Variants in PTPRC observed in about 807,000 individuals in gnomAD.
PTPRC encodes protein tyrosine phosphatase receptor type C.
Under a neutral mutation model 155.9 loss-of-function variants are expected in PTPRC, and 44 were observed. The ratio of observed to expected loss-of-function variants is 0.28; its 90% CI spans 0.22 to 0.36. The LOEUF (loss-of-function observed/expected upper bound fraction) is 0.36. PTPRC is among the 10% of genes least tolerant of loss of function. The pLI is 1.00. For synonymous variants in PTPRC, 525 were observed against 533.1 expected, an observed-to-expected ratio of 0.98 and a Z score of 0.21; for missense variants, 1,401 against 1,564.6, an observed-to-expected ratio of 0.90 and a Z score of 1.76.
rs1409139323 is a variant in PTPRC, at chr1:198,732,756, C to G, written c.2142+200C>G. ...GTATTAGGTATAACATAGAATTTTC[C>G]TCTACAAACAAAATTATATTAAGAA... On this transcript the variant is annotated intron_variant, in intron 20 of 32. Transcript: ENST00000442510. Among the ~76,000 whole-genome samples the G allele has an allele frequency of 2.0e-5, 3 of 151,724 alleles. No individual in the cohort carries two copies. The East Asian group carries it at 5.8e-4, about 29-fold the overall frequency.
chr1:198,751,830 C>T (rs1448896372), intron 29 of PTPRC, among the ~76,000 whole-genome samples: 1 of 152,040 alleles, frequency 6.6e-6, no homozygotes, highest in Non-Finnish European at 1.5e-5. Flanking sequence ...AAAGATGCAG[C>T]CTCCTTCCTC....
chr1:198,647,015 TG>T (rs527365296), intron 2 of PTPRC, among the ~76,000 whole-genome samples: 127 of 152,040 alleles, frequency 8.4e-4, no homozygotes, highest in African/African-American at 3.0e-3. Context: ...TGACTCTTTT[TG>T]TAACTTGCAT....
chr1:198,695,587 CA>C (rs1202917738), intron 3 of PTPRC, among the ~76,000 whole-genome samples: 1 of 151,266 alleles, frequency 6.6e-6, no homozygotes, highest in Non-Finnish European at 1.5e-5. Flanking sequence ...CTTTAATCAA[CA>C]GTGCTGATTT....
In PTPRC at chr1:198,705,384, CTTTCAGT is replaced by C. The variant is rs1382101803; in HGVS notation, c.685+891_685+897del. 2.0e-5 allele frequency among the ~76,000 whole-genome samples: 3 copies of C among 151,560 alleles called. No homozygotes were observed. In the East Asian group the frequency reaches 5.8e-4, roughly 29 times the overall value. ...TCTTCACTTAAGTAATATGGAACCA[CTTTCAGT>C]TTTCTTTTCTTTCTTTCTTTCATTC... On this transcript the variant is annotated intron_variant, in intron 8 of 32. Transcript: ENST00000442510.
Position 198,696,664 on chromosome 1 carries a change from G to T in PTPRC, c.101-48G>T. On this transcript the variant is annotated intron_variant, in intron 3 of 32. Coordinates refer to ENST00000442510, the MANE Select transcript of PTPRC (RefSeq NM_002838.5). ...TGGGAGGAGCATACATTTAGGGTATGATTCACATATTTATTTTGTCCTTCT... is the reference window on the plus strand; with the variant it reads ...TGGGAGGAGCATACATTTAGGGTATTATTCACATATTTATTTTGTCCTTCT... 1.3e-6 allele frequency: 2 copies of T among 1,481,566 alleles called. 1 individual carries two copies. 91.8% of individuals were successfully genotyped at this position (1,481,566 alleles called of 1,614,324 possible).
At chr1:198,742,919 G>A (rs1382204321) in intron 25 of PTPRC, among the ~76,000 whole-genome samples, 2 of 151,716 alleles carry the variant, frequency 1.3e-5, no homozygotes, top group African/African-American at 4.8e-5. Flanking sequence ...CCTGGCCCAT[G>A]CTATGCATTT....
intron 3 of PTPRC, among the ~76,000 whole-genome samples, chr1:198,693,713 T>A (rs780440067): frequency 6.6e-6 from 1 of 152,192 alleles, no homozygotes; most frequent in Non-Finnish European, 1.5e-5. Context: ...TCAAGAACAA[T>A]GTGGAATTGG....
rs1179895040 is a variant in PTPRC at position 198,754,258 on chromosome 1, T to C, written c.3510-11T>C. 4 of 1,604,076 alleles carry C rather than the reference T, an allele frequency of 2.5e-6. No individual in the cohort carries two copies. Among genetic ancestry groups the C allele is most frequent in the Non-Finnish European group, 3.4e-6 (4 of 1,171,794 alleles). On this transcript the variant is annotated splice_polypyrimidine_tract_variant and intron_variant, in intron 31 of 32. Coordinates refer to ENST00000442510, the MANE Select transcript of PTPRC (RefSeq NM_002838.5). ...AGTAGGATTATTTTCTATCTTTTCTTTCTTTTATAGGGATGGATCTCAGCA... is the reference window on the plus strand; with the variant it reads ...AGTAGGATTATTTTCTATCTTTTCTCTCTTTTATAGGGATGGATCTCAGCA...
chr1:198,739,655 A>G (rs1192831003), intron 23 of PTPRC, among the ~76,000 whole-genome samples: 1 of 151,870 alleles, frequency 6.6e-6, no homozygotes, highest in African/African-American at 2.4e-5. Flanking sequence ...CTCTACTTTC[A>G]GCATTAGGCA....
At chr1:198,680,236 C>T (rs968236838) in intron 2 of PTPRC, among the ~76,000 whole-genome samples, 1 of 152,158 alleles carries the variant, frequency 6.6e-6, no homozygotes, top group African/African-American at 2.4e-5. Flanking sequence ...GGCGGATTAC[C>T]TAAGGACGGA....
chr1:198,736,419 A>G (rs1364092850), intron 23 of PTPRC, among the ~76,000 whole-genome samples: 5 of 151,650 alleles, frequency 3.3e-5, no homozygotes, highest in African/African-American at 9.7e-5. Context: ...GGCTCCCACA[A>G]ATAAGTAACA....
At chr1:198,749,609 T>C (rs1050815485) in intron 28 of PTPRC, 60 bp downstream of exon 28, 7 of 1,525,994 alleles carry the variant, frequency 4.6e-6, no homozygotes, top group Middle Eastern at 3.4e-4. Flanking sequence ...ATCTATGTTA[T>C]TAGGGCCATT....
intron 2 of PTPRC, among the ~76,000 whole-genome samples, chr1:198,672,398 A>AT (rs1664694856): frequency 6.6e-6 from 1 of 152,154 alleles, no homozygotes; most frequent in Non-Finnish European, 1.5e-5. Context: ...TAAATTCCTT[A>AT]CTGTTTACTC....
intron 2 of PTPRC, among the ~76,000 whole-genome samples, chr1:198,649,077 C>T (rs1663098745): frequency 1.3e-5 from 2 of 151,608 alleles, no homozygotes; most frequent in South Asian, 4.1e-4. Flanking sequence ...CAGGTAAATC[C>T]ATCCTACACT....
Position 198,756,135 on chromosome 1 carries a change from A to C in PTPRC, c.3875A>C (p.His1292Pro). 1 of 1,613,396 alleles carries C rather than the reference A, an allele frequency of 6.2e-7. No individual in the cohort carries two copies. Among genetic ancestry groups the C allele is most frequent in the Non-Finnish European group, 8.5e-7 (1 of 1,179,630 alleles). The change falls in exon 33 of 33, where the codon CAT becomes CCT. Residue 1292 changes from histidine (H) to proline (P), a missense_variant. Around this residue, in one of 3 missense-constraint regions of PTPRC, gnomAD observed 400 missense variants for 389.5 expected, o/e 1.03. Coordinates refer to ENST00000442510, the MANE Select transcript of PTPRC (RefSeq NM_002838.5). ...ACGAGTGGCACTGAGGGGCCAGAACATTCTGTCAATGGTCCTGCAAGTCCA... is the reference window on the plus strand; with the variant it reads ...ACGAGTGGCACTGAGGGGCCAGAACCTTCTGTCAATGGTCCTGCAAGTCCA... ...EPTSGTEGPE[H>P]SVNGPASPAL...
chr1:198,683,354 T>C (rs1665445397), intron 2 of PTPRC, among the ~76,000 whole-genome samples: 1 of 152,072 alleles, frequency 6.6e-6, no homozygotes, highest in Non-Finnish European at 1.5e-5. Flanking sequence ...TCGTAACCTA[T>C]CCTAGAGGAA....
intron 15 of PTPRC, among the ~76,000 whole-genome samples, chr1:198,723,277 T>C (rs1353308835): frequency 6.6e-6 from 1 of 152,122 alleles, no homozygotes; most frequent in African/African-American, 2.4e-5. Flanking sequence ...TGTATGTACT[T>C]TGTTGTCAGC....
intron 11 of PTPRC, 26 bp from the exon 12 acceptor site, chr1:198,712,926 TA>T (rs1360619812): frequency 4.4e-6 from 7 of 1,598,162 alleles, no homozygotes; most frequent in Non-Finnish European, 6.0e-6. Context: ...TTTTTCATAT[TA>T]CATAACATTC....
intron 17 of PTPRC, among the ~76,000 whole-genome samples, chr1:198,730,658 T>A (rs1442787444): frequency 6.6e-6 from 1 of 152,094 alleles, no homozygotes; most frequent in East Asian, 1.9e-4. Context: ...ATCTCAAAAT[T>A]GGTACCGATT....
Sources: gnomAD v4.1 joint callset for allele counts (sites outside exome capture counted in the v4.1 genomes callset) on GRCh38, gnomAD v4.1.1 for gene constraint, gnomAD v4.1.1 regional missense constraint, MANE v1.5 for transcripts, NCBI Gene and HGNC (gene_info 2026-07-23, HGNC 2026-07-21) for gene names.